The following ROBO2 variants were observed in gnomAD, a reference collection of about 807,000 sequenced individuals.
The protein encoded by ROBO2 is roundabout guidance receptor 2.
Under a neutral mutation model 160.8 loss-of-function variants are expected in ROBO2, and 53 were observed. The observed-to-expected ratio is 0.33, with a 90% CI of 0.26 to 0.41. ROBO2 has a LOEUF of 0.41. ROBO2 is among the 10% of genes least tolerant of loss of function. The pLI, the probability that ROBO2 is intolerant of heterozygous loss-of-function variation, is 1.00. For synonymous variants in ROBO2, 664 were observed against 611.7 expected, an observed-to-expected ratio of 1.09 and a Z score of -1.26; for missense variants, 1,577 against 1,722.4, an observed-to-expected ratio of 0.92 and a Z score of 1.49.
intron 2 of ROBO2, among the ~76,000 whole-genome samples, chr3:76,455,296 A>C (rs1424458351): frequency 6.6e-6 from 1 of 152,166 alleles, no homozygotes; most frequent in East Asian, 1.9e-4. Context: ...ATGAATGTAC[A>C]GCATTTGACA....
At chr3:76,873,316 A>T (rs991281015) in intron 2 of ROBO2, among the ~76,000 whole-genome samples, 6 of 152,286 alleles carry the variant, frequency 3.9e-5, no homozygotes, top group African/African-American at 1.4e-4. Context: ...CATAGGAATT[A>T]TTTTATTTTT....
At chr3:77,273,660 T>C (rs2059643798) in intron 2 of ROBO2, among the ~76,000 whole-genome samples, 1 of 152,154 alleles carries the variant, frequency 6.6e-6, no homozygotes, top group Non-Finnish European at 1.5e-5. Context: ...TTAAAAACAT[T>C]ATGCTAAATA....
At chr3:77,596,864 A>G (rs1367979402) in intron 19 of ROBO2, 114 bp downstream of exon 20, 1 of 1,224,696 alleles carries the variant, frequency 8.2e-7, no homozygotes, top group East Asian at 2.4e-5. Flanking sequence ...TCCCATAATT[A>G]AAATCAATGA....
chr3:77,023,855 C>T (rs2062790610), intron 2 of ROBO2, among the ~76,000 whole-genome samples: 1 of 152,104 alleles, frequency 6.6e-6, no homozygotes, highest in Admixed American at 6.5e-5. Context: ...TAAAAATGTT[C>T]TGATTATAAT....
intron 2 of ROBO2, among the ~76,000 whole-genome samples, chr3:76,142,401 A>T (rs933844342): frequency 9.9e-5 from 15 of 151,952 alleles, no homozygotes; most frequent in African/African-American, 3.4e-4. Context: ...CAGTAGCTAA[A>T]ATTTGAACCT....
intron 2 of ROBO2, among the ~76,000 whole-genome samples, chr3:76,546,431 C>A (rs187939456): frequency 6.6e-6 from 1 of 151,690 alleles, no homozygotes; most frequent in Non-Finnish European, 1.5e-5. Context: ...TTAGTTTGCA[C>A]GGCAAAGAGA....
At chr3:77,525,356 G>T (rs751765324) in intron 6 of ROBO2, among the ~76,000 whole-genome samples, 1 of 149,492 alleles carries the variant, frequency 6.7e-6, no homozygotes, top group South Asian at 2.1e-4. Flanking sequence ...TGGGGAAAAG[G>T]TAAGAGAGTT....
intron 2 of ROBO2, among the ~76,000 whole-genome samples, chr3:77,174,455 C>G (rs1420615252): frequency 6.6e-6 from 1 of 151,980 alleles, no homozygotes; most frequent in Non-Finnish European, 1.5e-5. Flanking sequence ...GGTGTTCATG[C>G]TACTTGCTGT....
At chr3:76,444,959 G>C (rs2077099096) in intron 2 of ROBO2, among the ~76,000 whole-genome samples, 1 of 152,002 alleles carries the variant, frequency 6.6e-6, no homozygotes, top group Non-Finnish European at 1.5e-5. Context: ...TTGTTAGATA[G>C]GCTTTTTTGT....
intron 2 of ROBO2, among the ~76,000 whole-genome samples, chr3:76,561,829 A>G (rs570929491): frequency 6.6e-6 from 1 of 152,252 alleles, no homozygotes; most frequent in East Asian, 1.9e-4. Flanking sequence ...TCTCATAATG[A>G]CATAAGCCTT....
intron 2 of ROBO2, among the ~76,000 whole-genome samples, chr3:76,779,301 C>T (rs1296461856): frequency 1.3e-5 from 2 of 150,964 alleles, no homozygotes; most frequent in Admixed American, 6.6e-5. Context: ...CCCGTCACCT[C>T]CCAAAGTTTC....
chr3:77,448,451 C>A (rs1004180353), intron 2 of ROBO2, among the ~76,000 whole-genome samples: 7 of 152,048 alleles, frequency 4.6e-5, no homozygotes, highest in African/African-American at 1.7e-4. Context: ...AAGAACCATT[C>A]GGCAAAGTCG....
chr3:76,197,660 A>G (rs1702325884), intron 2 of ROBO2, among the ~76,000 whole-genome samples: 1 of 152,146 alleles, frequency 6.6e-6, no homozygotes, highest in Non-Finnish European at 1.5e-5. Context: ...TTTTAACATA[A>G]TGCTCCAAAC....
chr3:76,453,614 G>T (rs923264772), intron 2 of ROBO2, among the ~76,000 whole-genome samples: 3 of 152,124 alleles, frequency 2.0e-5, no homozygotes, highest in African/African-American at 7.2e-5. Context: ...GTAGCGTGAT[G>T]CCTCCAGCTT....
intron 2 of ROBO2, among the ~76,000 whole-genome samples, chr3:76,883,260 AG>A (rs1217488890): frequency 6.6e-6 from 1 of 152,208 alleles, no homozygotes; most frequent in East Asian, 1.9e-4. Flanking sequence ...ACAGCATAAA[AG>A]TCTACTTTGT....
Position 76,877,631 on chromosome 3 carries a change from C to T in ROBO2, c.110-220383C>T, listed in dbSNP as rs190016425. Among the ~76,000 whole-genome samples, 36 of 152,270 alleles carry T rather than the reference C, an allele frequency of 2.4e-4. 1 individual carries two copies. The highest frequency in any genetic ancestry group is 2.2e-3 in the Admixed American group (34 of 15,282). ...AGTTCTATGGCACACAGTAGATAGT[C>T]TATACATATAACCTGCTGTCTTATA... On this transcript the variant is annotated intron_variant, in intron 2 of 26. Transcript: ENST00000487694.
intron 2 of ROBO2, among the ~76,000 whole-genome samples, chr3:76,057,812 C>T (rs1223487669): frequency 1.3e-5 from 2 of 152,100 alleles, no homozygotes; most frequent in Non-Finnish European, 1.5e-5. Context: ...AGACCATTCC[C>T]TGTTCTAAAT....
At chr3:77,565,030 C>T in exon 12 of ROBO2, 1 of 1,613,662 alleles carries the variant, frequency 6.2e-7, no homozygotes, top group South Asian at 1.1e-5. Flanking sequence ...AGGACTGCGG[C>T]CCAATACAAT....
chr3:76,469,264 C>T (rs2078524178), intron 2 of ROBO2, among the ~76,000 whole-genome samples: 1 of 151,980 alleles, frequency 6.6e-6, no homozygotes, highest in Non-Finnish European at 1.5e-5. Context: ...TAATTGCTAA[C>T]ATTTATTGAC....
Sources: allele counts gnomAD v4.1 joint callset (sites outside exome capture counted in the v4.1 genomes callset), GRCh38; gene constraint gnomAD v4.1.1; transcripts MANE v1.5; gene names NCBI Gene and HGNC (gene_info 2026-07-23, HGNC 2026-07-21).